Variants in QSOX1 observed in about 807,000 individuals in gnomAD.
QSOX1 encodes the protein sulfhydryl oxidase 1.
A neutral mutation model predicts 76.1 loss-of-function variants in QSOX1; 40 were observed. The ratio of observed to expected loss-of-function variants is 0.53; its 90% CI spans 0.41 to 0.68. The LOEUF (loss-of-function observed/expected upper bound fraction) is 0.68. QSOX1 is among the 30% of genes least tolerant of loss of function. QSOX1 has a pLI of 0.00. For synonymous variants in QSOX1, 392 were observed against 413.1 expected, an observed-to-expected ratio of 0.95 and a Z score of 0.62; for missense variants, 931 against 974.3, an observed-to-expected ratio of 0.96 and a Z score of 0.59.
At chr1:180,195,452 A>C (rs1402100249) in intron 11 of QSOX1, among the ~76,000 whole-genome samples, 1 of 152,144 alleles carries the variant, frequency 6.6e-6, no homozygotes, top group Non-Finnish European at 1.5e-5. Flanking sequence ...GCTTCCTTGT[A>C]GTCAACAACT....
At chr1:180,182,434 C>A in intron 6 of QSOX1, 115 bp downstream of exon 6, 2 of 1,404,310 alleles carry the variant, frequency 1.4e-6, no homozygotes, top group Non-Finnish European at 2.0e-6. Flanking sequence ...TCTGAAGAGC[C>A]CCCTCAGGAG....
intron 5 of QSOX1, among the ~76,000 whole-genome samples, chr1:180,179,166 C>G (rs1293672327): frequency 6.6e-6 from 1 of 152,198 alleles, no homozygotes; most frequent in African/African-American, 2.4e-5. Context: ...TGCTAATCCC[C>G]AAAATTAATG....
chr1:180,185,909 G>A, intron 7 of QSOX1, 144 bp from the exon 8 acceptor site: 1 of 987,392 alleles, frequency 1.0e-6, no homozygotes, highest in Non-Finnish European at 1.6e-6. Context: ...GCACATTTCT[G>A]GCAGAAGCCA....
intron 9 of QSOX1, 85 bp downstream of exon 9, chr1:180,189,759 T>G (rs576064443): frequency 4.0e-5 from 58 of 1,460,012 alleles, no homozygotes; most frequent in Admixed American, 3.4e-4. Context: ...TCTGACCTTC[T>G]TCGCCAGTTT....
Position 180,196,488 on chromosome 1 carries a change from G to T in QSOX1, c.1695G>T (p.Ala565=), listed in dbSNP as rs773465060. 3 of 1,614,038 alleles carry T rather than the reference G, an allele frequency of 1.9e-6. 1 individual carries two copies. The highest frequency in any genetic ancestry group is 2.2e-5 in the South Asian group (2 of 91,086). ...VQNVAAAPEL[A]MGALELESRN... ...ATGTGGCAGCCGCCCCAGAGCTGGC[G>T]ATGGGAGCCCTGGAGCTGGAAAGCC... The change falls in exon 12 of 12, where the codon GCG becomes GCT. Residue 565 remains alanine, a synonymous_variant. Coordinates refer to ENST00000367602, the MANE Select transcript of QSOX1 (RefSeq NM_002826.5). The surrounding 1 kb of genome is among the most constrained non-coding windows in gnomAD (Gnocchi z 4.1).
chr1:180,155,330 C>T (rs546219956), intron 1 of QSOX1, among the ~76,000 whole-genome samples, 158 bp downstream of exon 1: 1 of 152,254 alleles, frequency 6.6e-6, no homozygotes, highest in East Asian at 1.9e-4. Flanking sequence ...CTTCATGTTT[C>T]TCAGCTCCAT....
Position 180,183,924 on chromosome 1 carries a change from A to G in QSOX1, c.761A>G (p.Glu254Gly). The change falls in exon 7 of 12, where the codon GAA becomes GGA. Residue 254 changes from glutamate to glycine, a missense_variant. Physicochemically the swap from Glu to Gly is moderately conservative, Grantham distance 98. Transcript: ENST00000367602. ...GSVSRVPVLM[E>G]SRSFYTAYLQ... ...GTTCTGTGCCCTCACAGGCTCATGG[A>G]ATCCAGGTCCTTCTATACCGCTTAC... 2 of 1,613,618 alleles carry G rather than the reference A, an allele frequency of 1.2e-6. No homozygotes were observed. Among genetic ancestry groups the G allele is most frequent in the Non-Finnish European group, 1.7e-6 (2 of 1,179,622 alleles).
rs1663546350 is a variant in QSOX1 at position 180,198,018 on chromosome 1, T to C, written c.*981T>C. On this transcript the variant is annotated 3_prime_UTR_variant, in exon 12 of 12. Transcript: ENST00000367602. ...GCCTTGGGAGGTGTGTGGAATAAAT[T>C]ATTTTTGTTAAGGCAAGCATTGGTG... 2.7e-6 allele frequency: 1 copy of C among 367,906 alleles called. No homozygotes were observed. The highest frequency in any genetic ancestry group is 5.5e-6 in the Non-Finnish European group (1 of 181,166). The allele number at this position is 367,906 out of a possible 1,614,324, so 22.8% of individuals were successfully genotyped here.
At chr1:180,184,088 C>G (rs376986427) in intron 7 of QSOX1, 38 bp downstream of exon 7, 2 of 1,607,862 alleles carry the variant, frequency 1.2e-6, no homozygotes, top group Non-Finnish European at 1.7e-6. Context: ...TCTTCTCCTT[C>G]CTCTGATCAC....
In QSOX1 at chr1:180,189,619, A is replaced by G; in HGVS notation, c.1085A>G (p.Lys362Arg). ...HSVNEWLKRQ[K>R]RNKIPYSFFK... ...GTGAATGAATGGCTCAAGAGGCAGAAGAGAAATAAAATTCCCTACAGTTTC... is the reference window on the plus strand; with the variant it reads ...GTGAATGAATGGCTCAAGAGGCAGAGGAGAAATAAAATTCCCTACAGTTTC... Residue 362 changes from lysine to arginine, a missense_variant, in exon 9 of 12, where the codon AAG becomes AGG. Physicochemically the swap from Lys to Arg is conservative, Grantham distance 26. Transcript: ENST00000367602. 4.3e-6 allele frequency: 7 copies of G among 1,613,748 alleles called. No individual in the cohort carries two copies. The highest frequency in any genetic ancestry group is 1.7e-5 in the Admixed American group (1 of 60,002).
intron 4 of QSOX1, among the ~76,000 whole-genome samples, chr1:180,178,364 A>C (rs1467260142): frequency 6.6e-6 from 1 of 152,118 alleles, no homozygotes; most frequent in Non-Finnish European, 1.5e-5. Context: ...CTCAGCTGGG[A>C]TTACAGGTGC....
intron 1 of QSOX1, 32 bp downstream of exon 1, chr1:180,155,204 C>A (rs1662347492): frequency 6.9e-7 from 1 of 1,449,158 alleles, no homozygotes; most frequent in Non-Finnish European, 9.1e-7. Flanking sequence ...CTCCCCCGTG[C>A]CCCGCCGCCC....
At chr1:180,162,823 A>G (rs1403882703) in intron 1 of QSOX1, among the ~76,000 whole-genome samples, 1 of 152,228 alleles carries the variant, frequency 6.6e-6, no homozygotes, top group Non-Finnish European at 1.5e-5. Flanking sequence ...TCATTCATCT[A>G]ACCAGAATGA....
At chr1:180,162,410 G>A (rs1662511214) in intron 1 of QSOX1, among the ~76,000 whole-genome samples, 1 of 152,162 alleles carries the variant, frequency 6.6e-6, no homozygotes, top group Admixed American at 6.6e-5. Context: ...ATTTTGGGAA[G>A]TTTGTACAAA....
intron 2 of QSOX1, among the ~76,000 whole-genome samples, chr1:180,174,563 T>C (rs1024217163): frequency 1.3e-5 from 2 of 152,140 alleles, no homozygotes; most frequent in African/African-American, 4.8e-5. Flanking sequence ...CACATTGACA[T>C]AGAAGCAAGC....
At chr1:180,172,515 T>C (rs1350084587) in intron 2 of QSOX1, among the ~76,000 whole-genome samples, 1 of 152,052 alleles carries the variant, frequency 6.6e-6, no homozygotes, top group African/African-American at 2.4e-5. Context: ...AGGGGTTGCC[T>C]TTTTAAAATT....
Position 180,202,617 on chromosome 1 carries a change from A to G in QSOX1, c.*5580A>G, listed in dbSNP as rs1663657580. The G allele has an allele frequency of 6.6e-6, 1 of 151,138 alleles. No homozygotes were observed. The highest frequency in any genetic ancestry group is 6.7e-5 in the Admixed American group (1 of 15,000). The allele number at this position is 151,138 out of a possible 1,614,324, so 9.4% of individuals were successfully genotyped here. A position where few individuals can be genotyped will look rare whatever the true frequency, so the allele number is the denominator to read the frequency against. ...TGATTATTTGGGGGAAAATTCAGGTAAGATCTCACCTTCATACCATATACC... is the reference window on the plus strand; with the variant it reads ...TGATTATTTGGGGGAAAATTCAGGTGAGATCTCACCTTCATACCATATACC... On this transcript the variant is annotated 3_prime_UTR_variant, in exon 12 of 12. Coordinates refer to ENST00000367602, the MANE Select transcript of QSOX1 (RefSeq NM_002826.5).
chr1:180,166,776 T>G (rs1662641448), intron 2 of QSOX1, among the ~76,000 whole-genome samples, 185 bp downstream of exon 2: 1 of 152,216 alleles, frequency 6.6e-6, no homozygotes, highest in Non-Finnish European at 1.5e-5. Flanking sequence ...TTGCTCTCCC[T>G]CTTGACCTCC....
intron 11 of QSOX1, among the ~76,000 whole-genome samples, chr1:180,195,757 G>A (rs536443637): frequency 2.0e-5 from 3 of 152,354 alleles, no homozygotes; most frequent in Admixed American, 1.3e-4. Context: ...GCTGCCTCTT[G>A]CTTGAAAACG....
Sources: gnomAD v4.1 joint callset for allele counts (sites outside exome capture counted in the v4.1 genomes callset) on GRCh38, gnomAD v4.1.1 for gene constraint, Gnocchi (gnomAD v3.1) non-coding constraint, MANE v1.5 for transcripts, NCBI Gene and HGNC (gene_info 2026-07-23, HGNC 2026-07-21) for gene names.